THOC1: variants seen among roughly 807,000 people sequenced by gnomAD.
The protein encoded by THOC1 is THO complex subunit 1.
Under a neutral mutation model 97.3 loss-of-function variants are expected in THOC1, and 29 were observed. The observed-to-expected ratio is 0.30, with a 90% CI of 0.22 to 0.41. The LOEUF (loss-of-function observed/expected upper bound fraction) is 0.41. Among genes scored for constraint, THOC1 ranks in the 10% least tolerant of loss-of-function variants. The pLI is 1.00. For synonymous variants in THOC1, 255 were observed against 257.0 expected, an observed-to-expected ratio of 0.99 and a Z score of 0.07; for missense variants, 529 against 761.9, an observed-to-expected ratio of 0.69 and a Z score of 3.60.
intron 11 of THOC1, chr18:244,360 C>T (rs79959485): frequency 1.3e-5 from 2 of 152,136 alleles, no homozygotes; most frequent in Admixed American, 6.5e-5. Context: ...TCCTGAAGAA[C>T]ATCCTTGAGT....
chr18:237,656 TTTAAACG>T (rs1015082543), intron 11 of THOC1, among the ~76,000 whole-genome samples: 8 of 152,178 alleles, frequency 5.3e-5, no homozygotes, highest in African/African-American at 1.9e-4. Flanking sequence ...AATATTTCGC[TTTAAACG>T]TTAAACAATT....
At chr18:225,170 A>T in intron 13 of THOC1, 31 bp from the exon 14 acceptor site, 1 of 1,553,432 alleles carries the variant, frequency 6.4e-7, no homozygotes, top group Non-Finnish European at 8.7e-7. Flanking sequence ...CTAAGCTTTC[A>T]ACAACTTTCT....
intron 12 of THOC1, 59 bp downstream of exon 12, chr18:226,742 C>G: frequency 7.6e-7 from 1 of 1,308,030 alleles, no homozygotes; most frequent in Non-Finnish European, 1.1e-6. Context: ...AAATCGTAAG[C>G]AAGTCCTTTT....
intron 11 of THOC1, among the ~76,000 whole-genome samples, chr18:239,966 C>G (rs2143227098): frequency 7.5e-6 from 1 of 133,552 alleles, no homozygotes; most frequent in South Asian, 2.8e-4. Flanking sequence ...AGAACATTTT[C>G]TTTTCAAAGG....
At chr18:223,414 C>A (rs886679282) in intron 17 of THOC1, 26 bp downstream of exon 17, 48 of 1,538,488 alleles carry the variant, frequency 3.1e-5, no homozygotes, top group Non-Finnish European at 4.1e-5. Flanking sequence ...AAAAGCAACA[C>A]TTCATTTGAA....
chr18:217,581 T>C (rs574091449), intron 18 of THOC1, among the ~76,000 whole-genome samples: 1 of 152,206 alleles, frequency 6.6e-6, no homozygotes, highest in East Asian at 1.9e-4. Context: ...TGAGGCACAG[T>C]AAGGCAGGCA....
chr18:246,868 T>C (rs1912108942), intron 10 of THOC1, among the ~76,000 whole-genome samples: 1 of 140,828 alleles, frequency 7.1e-6, no homozygotes, highest in East Asian at 2.1e-4. Context: ...TCCCAGCTAC[T>C]CAGGAGACTG....
intron 1 of THOC1, among the ~76,000 whole-genome samples, chr18:266,010 T>C (rs1017355804): frequency 6.6e-6 from 1 of 152,194 alleles, no homozygotes; most frequent in African/African-American, 2.4e-5. Flanking sequence ...CACATTCATG[T>C]TGCTCTTCCT....
intron 9 of THOC1, among the ~76,000 whole-genome samples, chr18:249,334 A>G (rs767300029): frequency 1.3e-5 from 2 of 152,276 alleles, no homozygotes; most frequent in East Asian, 1.9e-4. Flanking sequence ...TTACAACAGT[A>G]AGATTATACC....
chr18:216,777 C>T, intron 18 of THOC1, 144 bp from the exon 19 acceptor site: 1 of 1,167,938 alleles, frequency 8.6e-7, no homozygotes, highest in Non-Finnish European at 1.1e-6. Flanking sequence ...TCCTAAAGAA[C>T]TTTTCAGTAT....
intron 12 of THOC1, among the ~76,000 whole-genome samples, chr18:226,564 G>A (rs1387927727): frequency 6.6e-6 from 1 of 152,066 alleles, no homozygotes; most frequent in South Asian, 2.1e-4. Context: ...TAATAAAGAC[G>A]ACAACTCCTG....
chr18:221,854 C>T lies in THOC1; in HGVS notation c.1370+1586G>A, dbSNP rs187775740. On this transcript the variant is annotated intron_variant, in intron 17 of 20. Transcript: ENST00000261600. ...CTATCTCCTGACCTCATGATCCGCCCGCCTTGGCCTCCCAAAGTGCTGGGA... is the reference window on the plus strand; with the variant it reads ...CTATCTCCTGACCTCATGATCCGCCTGCCTTGGCCTCCCAAAGTGCTGGGA... Among the ~76,000 whole-genome samples the T allele has an allele frequency of 1.5e-4, 23 of 152,220 alleles. 1 individual carries two copies. Among genetic ancestry groups the T allele is most frequent in the African/African-American group, 4.6e-4 (19 of 41,548 alleles).
At chr18:243,063 G>A (rs1255074193) in intron 11 of THOC1, among the ~76,000 whole-genome samples, 1 of 152,190 alleles carries the variant, frequency 6.6e-6, no homozygotes, top group African/African-American at 2.4e-5. Flanking sequence ...TGCTTAAGGG[G>A]CAACAAAGGG....
intron 11 of THOC1, among the ~76,000 whole-genome samples, chr18:229,519 A>T (rs1238586847): frequency 4.9e-4 from 8 of 16,370 alleles, no homozygotes; most frequent in Admixed American, 8.3e-4. Context: ...GTCTCTATTT[A>T]AAAAAAAAAA....
intron 18 of THOC1, among the ~76,000 whole-genome samples, chr18:218,122 G>A (rs1210640877): frequency 6.6e-6 from 1 of 152,186 alleles, no homozygotes; most frequent in African/African-American, 2.4e-5. Context: ...CAAATACTGA[G>A]TGCTAACCAC....
intron 11 of THOC1, among the ~76,000 whole-genome samples, chr18:243,275 G>C (rs1441926301): frequency 6.6e-6 from 1 of 152,164 alleles, no homozygotes; most frequent in Admixed American, 6.5e-5. Context: ...CAAAGAATCA[G>C]AAAAGGAGAG....
chr18:259,030 A>C (rs1482561503), intron 7 of THOC1, 150 bp downstream of exon 7: 31 of 623,342 alleles, frequency 5.0e-5, no homozygotes, highest in Non-Finnish European at 8.4e-5. Context: ...ACTGCTATAC[A>C]TTTATAAGTA....
chr18:237,865 A>C (rs1598297287), intron 11 of THOC1, among the ~76,000 whole-genome samples: 1 of 152,066 alleles, frequency 6.6e-6, no homozygotes, highest in East Asian at 1.9e-4. Flanking sequence ...TTTAAATAGT[A>C]TTCCTTTTTT....
chr18:239,931 A>T (rs918118943), intron 11 of THOC1, among the ~76,000 whole-genome samples: 1 of 152,128 alleles, frequency 6.6e-6, no homozygotes, highest in African/African-American at 2.4e-5. Context: ...TCTGTCCAGG[A>T]GTCCAAAATT....
Sources: allele counts gnomAD v4.1 joint callset (sites outside exome capture counted in the v4.1 genomes callset), GRCh38; gene constraint gnomAD v4.1.1; transcripts MANE v1.5; gene names NCBI Gene and HGNC (gene_info 2026-07-23, HGNC 2026-07-21).